Variants in NRXN1 observed in about 807,000 individuals in gnomAD.
NRXN1 encodes the protein neurexin-1.
A neutral mutation model predicts 150.9 loss-of-function variants in NRXN1; 39 were observed. The ratio of observed to expected loss-of-function variants is 0.26; its 90% CI spans 0.20 to 0.34. The LOEUF (loss-of-function observed/expected upper bound fraction) is 0.34, where lower values mean the gene tolerates loss of function less well. Ranked by LOEUF, NRXN1 falls within the 10% of genes least tolerant of loss-of-function variation. The pLI is 1.00. For missense variants in NRXN1, 1,815 were observed against 1,949.9 expected, an observed-to-expected ratio of 0.93 and a Z score of 1.30; for synonymous variants, 924 against 757.0, an observed-to-expected ratio of 1.22 and a Z score of -3.62.
chr2:50,360,964 C>G (rs1244220277), intron 17 of NRXN1, among the ~76,000 whole-genome samples: 1 of 152,206 alleles, frequency 6.6e-6, no homozygotes, highest in Non-Finnish European at 1.5e-5. Flanking sequence ...GAAACTCACT[C>G]AAAACCGCAC....
chr2:50,543,983 T>C (rs1290691862), intron 9 of NRXN1, among the ~76,000 whole-genome samples: 1 of 152,168 alleles, frequency 6.6e-6, no homozygotes, highest in African/African-American at 2.4e-5. Context: ...ATAGATCTGT[T>C]AGGCTTCAAT....
At chr2:50,273,765 A>G (rs193120516) in intron 17 of NRXN1, among the ~76,000 whole-genome samples, 2 of 152,312 alleles carry the variant, frequency 1.3e-5, no homozygotes, top group East Asian at 1.9e-4. Flanking sequence ...GCCAAAAAAC[A>G]TATGAAAAAA....
At chr2:49,983,043 A>G (rs1333425725) in intron 21 of NRXN1, among the ~76,000 whole-genome samples, 2 of 152,106 alleles carry the variant, frequency 1.3e-5, no homozygotes, top group Non-Finnish European at 2.9e-5. Flanking sequence ...ACTCCTACAC[A>G]TTGTTTTGTA....
intron 10 of NRXN1, among the ~76,000 whole-genome samples, chr2:50,532,212 T>C (rs369491273): frequency 6.6e-6 from 1 of 152,204 alleles, no homozygotes; most frequent in African/African-American, 2.4e-5. Context: ...GCCTTGGCTC[T>C]GAATTATTCA....
intron 2 of NRXN1, among the ~76,000 whole-genome samples, chr2:50,935,802 T>C (rs928716706): frequency 2.6e-5 from 4 of 151,816 alleles, no homozygotes; most frequent in Non-Finnish European, 5.9e-5. Context: ...ATCTATGGGA[T>C]GAAATGATGA....
chr2:50,745,750 G>A (rs1205672421), intron 5 of NRXN1, among the ~76,000 whole-genome samples: 1 of 151,586 alleles, frequency 6.6e-6, no homozygotes, highest in Non-Finnish European at 1.5e-5. Flanking sequence ...AAAGGGGGAA[G>A]CCCCTTGTAA....
intron 5 of NRXN1, among the ~76,000 whole-genome samples, chr2:50,646,862 T>A (rs1684890441): frequency 6.6e-6 from 1 of 151,824 alleles, no homozygotes; most frequent in African/African-American, 2.4e-5. Context: ...CTTGATTGCA[T>A]CTGAGTCCCT....
chr2:50,359,906 C>T (rs1379136526), intron 17 of NRXN1, among the ~76,000 whole-genome samples: 1 of 152,218 alleles, frequency 6.6e-6, no homozygotes, highest in African/African-American at 2.4e-5. Flanking sequence ...AACAGCAGCT[C>T]TCTCTGCAGA....
intron 18 of NRXN1, among the ~76,000 whole-genome samples, chr2:50,151,274 G>A (rs2058680171): frequency 1.3e-5 from 2 of 151,628 alleles, no homozygotes; most frequent in African/African-American, 4.8e-5. Context: ...ACTTCAGGCT[G>A]CCTTTCTGAC....
intron 5 of NRXN1, among the ~76,000 whole-genome samples, chr2:50,873,842 T>C (rs998376458): frequency 1.3e-5 from 2 of 151,786 alleles, no homozygotes; most frequent in African/African-American, 4.8e-5. Context: ...CAAAAAACAA[T>C]GCTGACCTGG....
At chr2:50,424,704 G>A (rs2084339585) in intron 17 of NRXN1, among the ~76,000 whole-genome samples, 1 of 152,122 alleles carries the variant, frequency 6.6e-6, no homozygotes, top group Non-Finnish European at 1.5e-5. Context: ...TCTAGGCTAA[G>A]CTTTGTAAAG....
chr2:50,310,254 C>A (rs1025414473), intron 17 of NRXN1, among the ~76,000 whole-genome samples: 1 of 152,166 alleles, frequency 6.6e-6, no homozygotes. Context: ...AGTTAACTGA[C>A]CACTTGGAAC....
chr2:50,781,314 T>A (rs1032176995), intron 5 of NRXN1, among the ~76,000 whole-genome samples: 3 of 152,096 alleles, frequency 2.0e-5, no homozygotes, highest in African/African-American at 7.2e-5. Flanking sequence ...AGGGAAACCC[T>A]ATATCTGTGT....
intron 5 of NRXN1, among the ~76,000 whole-genome samples, chr2:50,741,661 G>C (rs1699443871): frequency 6.6e-6 from 1 of 152,144 alleles, no homozygotes. Context: ...TTGCAAATTT[G>C]TGCCTCAGTT....
chr2:50,512,882 G>T (rs563909467), intron 12 of NRXN1, among the ~76,000 whole-genome samples: 2 of 152,310 alleles, frequency 1.3e-5, no homozygotes, highest in South Asian at 2.1e-4. Flanking sequence ...AAGCAGTGAT[G>T]AAACGGGTGT....
At chr2:50,430,690 T>C (rs1171684653) in intron 17 of NRXN1, among the ~76,000 whole-genome samples, 1 of 152,158 alleles carries the variant, frequency 6.6e-6, no homozygotes, top group Admixed American at 6.5e-5. Context: ...GAATTACCAG[T>C]CTTAGTTAAT....
At chr2:50,046,168 G>T (rs553144119) in intron 21 of NRXN1, among the ~76,000 whole-genome samples, 1 of 152,126 alleles carries the variant, frequency 6.6e-6, no homozygotes, top group Non-Finnish European at 1.5e-5. Flanking sequence ...ATAAAACAGC[G>T]CAAGTTATGG....
Position 50,317,420 on chromosome 2 carries a change from T to A in NRXN1, c.3365-80450A>T, listed in dbSNP as rs142894085. On this transcript the variant is annotated intron_variant, in intron 17 of 22. Transcript: ENST00000401669. ...AATAAATGATAACTAGATTTACAAC[T>A]AACTTTTCAACACTTACAATGGAAG... 4.6e-5 allele frequency among the ~76,000 whole-genome samples: 7 copies of A among 152,012 alleles called. No homozygotes were observed. The East Asian group carries it at 1.2e-3, about 25-fold the overall frequency.
intron 5 of NRXN1, among the ~76,000 whole-genome samples, chr2:50,750,733 C>A (rs998145170): frequency 6.6e-6 from 1 of 152,012 alleles, no homozygotes; most frequent in African/African-American, 2.4e-5. Flanking sequence ...CACCGAAGTA[C>A]TGACACAAGC....
Sources: allele counts gnomAD v4.1 joint callset (sites outside exome capture counted in the v4.1 genomes callset), GRCh38; gene constraint gnomAD v4.1.1; transcripts MANE v1.5; gene names NCBI Gene and HGNC (gene_info 2026-07-23, HGNC 2026-07-21).